Variants in UBTD2 observed in about 807,000 individuals in gnomAD.
UBTD2 encodes ubiquitin domain containing 2.
In UBTD2, 9 loss-of-function variants were observed where a neutral mutation model predicts 19.8. The observed-to-expected ratio is 0.46, with a 90% CI of 0.27 to 0.79. The LOEUF (loss-of-function observed/expected upper bound fraction) is 0.79. Among genes scored for constraint, UBTD2 ranks in the 30% least tolerant of loss-of-function variants. UBTD2 has a pLI of 0.14. For missense variants in UBTD2, 250 were observed against 300.4 expected, an observed-to-expected ratio of 0.83 and a Z score of 1.24; for synonymous variants, 98 against 103.9, an observed-to-expected ratio of 0.94 and a Z score of 0.35.
At chr5:172,247,218 T>A (rs979108223) in intron 1 of UBTD2, among the ~76,000 whole-genome samples, 1 of 152,036 alleles carries the variant, frequency 6.6e-6, no homozygotes, top group Non-Finnish European at 1.5e-5. Context: ...GGCTATACTA[T>A]CATTAGACAA....
intron 1 of UBTD2, among the ~76,000 whole-genome samples, chr5:172,239,561 C>T (rs1292486910): frequency 6.6e-6 from 1 of 151,920 alleles, no homozygotes; most frequent in Non-Finnish European, 1.5e-5. Context: ...GCCGGGATTA[C>T]AGGCGCCTGC....
At chr5:172,259,530 TAATAC>T (rs1755224844) in intron 1 of UBTD2, among the ~76,000 whole-genome samples, 1 of 152,006 alleles carries the variant, frequency 6.6e-6, no homozygotes, top group Admixed American at 6.6e-5. Context: ...GACTATATAT[TAATAC>T]AATAAAAAAC....
In UBTD2 at chr5:172,249,276, G is replaced by A. The variant is rs1460299850; in HGVS notation, c.71-14918C>T. ...TAGCTGAGCGTGGTGGCATGTGCCT[G>A]TAATCCCAGCTACTCGGGAGGCTGA... On this transcript the variant is annotated intron_variant, in intron 1 of 2. Coordinates refer to ENST00000393792, the MANE Select transcript of UBTD2 (RefSeq NM_152277.3). 2.0e-5 allele frequency among the ~76,000 whole-genome samples: 3 copies of A among 151,598 alleles called. No homozygotes were observed. In the East Asian group the frequency reaches 5.8e-4, roughly 29 times the overall value.
intron 1 of UBTD2, among the ~76,000 whole-genome samples, chr5:172,280,157 T>A (rs545338897): frequency 6.6e-6 from 1 of 151,380 alleles, no homozygotes; most frequent in East Asian, 1.9e-4. Flanking sequence ...AGCTTAGAAC[T>A]GTTAAATAAT....
At chr5:172,234,451 T>C (rs565880437) in intron 1 of UBTD2, 93 bp from the exon 2 acceptor site, 40 of 1,106,412 alleles carry the variant, frequency 3.6e-5, no homozygotes, top group South Asian at 7.2e-5. Context: ...GATTATTTCA[T>C]CAAAATCACA....
chr5:172,283,610 G>T lies in UBTD2; in HGVS notation c.56C>A (p.Ser19Ter). ...HDSSGSLNEN[S>*]EGTGVALGRN... The stretch of plus-strand genomic sequence containing the variant: ...CGCTCACCTACCTCCGGTGCCCTCC[G>T]AGTTCTCGTTGAGGCTGCCCGAGGA... The change falls in exon 1 of 3, where the codon TCG becomes TAG. Residue 19 changes from serine to a stop codon, truncating the protein, a stop_gained. Coordinates refer to ENST00000393792, the MANE Select transcript of UBTD2 (RefSeq NM_152277.3). LOFTEE classifies it high-confidence loss of function. This position sits in a 1 kb window ranked among gnomAD's most constrained non-coding sequence, Gnocchi z 4.3. 7.6e-7 allele frequency: 1 copy of T among 1,307,852 alleles called. No individual in the cohort carries two copies. Among genetic ancestry groups the T allele is most frequent in the Non-Finnish European group, 9.8e-7 (1 of 1,020,076 alleles). The allele number at this position is 1,307,852 out of a possible 1,614,324, so 81.0% of individuals were successfully genotyped here.
intron 1 of UBTD2, among the ~76,000 whole-genome samples, chr5:172,253,165 G>A (rs555938637): frequency 6.6e-6 from 1 of 152,220 alleles, no homozygotes; most frequent in East Asian, 1.9e-4. Context: ...AAAGTGCTGG[G>A]ATTACAGGTG....
At chr5:172,263,033 G>A (rs148040764) in intron 1 of UBTD2, among the ~76,000 whole-genome samples, 5 of 151,996 alleles carry the variant, frequency 3.3e-5, no homozygotes, top group East Asian at 3.9e-4. Flanking sequence ...CACGACCTCC[G>A]GGCGAGCGAT....
chr5:172,282,066 G>A (rs921793999), intron 1 of UBTD2, among the ~76,000 whole-genome samples: 3 of 152,070 alleles, frequency 2.0e-5, no homozygotes, highest in Admixed American at 1.3e-4. Flanking sequence ...TTACGGAGAA[G>A]AGCAAAATGC....
intron 2 of UBTD2, among the ~76,000 whole-genome samples, chr5:172,228,527 C>T (rs1056401965): frequency 6.6e-6 from 1 of 151,984 alleles, no homozygotes; most frequent in African/African-American, 2.4e-5. Context: ...TTGAGACCAC[C>T]CTGGCCAACA....
chr5:172,240,518 A>AATTC (rs1269890309), intron 1 of UBTD2, among the ~76,000 whole-genome samples: 1 of 152,174 alleles, frequency 6.6e-6, no homozygotes, highest in Non-Finnish European at 1.5e-5. Flanking sequence ...CTTCATAATG[A>AATTC]ATTCCTAGCC....
chr5:172,216,616 A>T lies in UBTD2; in HGVS notation c.308-4389T>A, dbSNP rs868527111. ...CAAAAAAAAAAAAAAAAAAAAAAAA[A>T]AAAGCCAGAGGGGGGAAAAAACAGC... On this transcript the variant is annotated intron_variant, in intron 2 of 2. Coordinates refer to ENST00000393792, the MANE Select transcript of UBTD2 (RefSeq NM_152277.3). 3.5e-3 allele frequency among the ~76,000 whole-genome samples: 526 copies of T among 150,220 alleles called. 7 individuals are homozygous for T. The highest frequency in any genetic ancestry group is 0.012 in the African/African-American group (485 of 40,962).
chr5:172,235,298 T>C (rs1207946567), intron 1 of UBTD2, among the ~76,000 whole-genome samples: 3 of 152,004 alleles, frequency 2.0e-5, no homozygotes, highest in African/African-American at 4.8e-5. Context: ...AGGTAAAAGA[T>C]TGCTTTTCAG....
At chr5:172,239,566 G>C (rs989795147) in intron 1 of UBTD2, among the ~76,000 whole-genome samples, 1 of 151,754 alleles carries the variant, frequency 6.6e-6, no homozygotes, top group Non-Finnish European at 1.5e-5. Flanking sequence ...GATTACAGGC[G>C]CCTGCCACCA....
intron 2 of UBTD2, 61 bp from the exon 3 acceptor site, chr5:172,212,288 C>A: frequency 6.6e-7 from 1 of 1,510,820 alleles, no homozygotes; most frequent in South Asian, 1.4e-5. Context: ...TTTGTTTATG[C>A]CTCACAAAAT....
At chr5:172,269,505 A>T (rs1047473516) in intron 1 of UBTD2, among the ~76,000 whole-genome samples, 2 of 151,844 alleles carry the variant, frequency 1.3e-5, no homozygotes, top group Admixed American at 6.6e-5. Flanking sequence ...AAAAAAAAAA[A>T]AATTAAGTTT....
chr5:172,249,747 A>AC (rs1400509985), intron 1 of UBTD2, among the ~76,000 whole-genome samples: 2 of 152,116 alleles, frequency 1.3e-5, no homozygotes, highest in Non-Finnish European at 2.9e-5. Context: ...CACAATTGAG[A>AC]TTTTTCTCAA....
At chr5:172,255,223 G>A (rs1467726321) in intron 1 of UBTD2, 3 of 449,214 alleles carry the variant, frequency 6.7e-6, no homozygotes, top group Admixed American at 2.6e-5. Flanking sequence ...AGAAGGAGGT[G>A]AACTCCGCTT....
intron 2 of UBTD2, among the ~76,000 whole-genome samples, chr5:172,212,638 A>C (rs1771473069): frequency 6.6e-6 from 1 of 152,192 alleles, no homozygotes; most frequent in African/African-American, 2.4e-5. Flanking sequence ...TCAATTCACC[A>C]CAAGTGTTCC....
Sources: allele counts gnomAD v4.1 joint callset (sites outside exome capture counted in the v4.1 genomes callset), GRCh38; gene constraint gnomAD v4.1.1; non-coding constraint Gnocchi (gnomAD v3.1); transcripts MANE v1.5; gene names NCBI Gene and HGNC (gene_info 2026-07-23, HGNC 2026-07-21).